Variants in AGBL1 observed in about 807,000 individuals in gnomAD.
AGBL1 encodes the protein AGBL carboxypeptidase 1, also known as cytosolic carboxypeptidase 4.
In AGBL1, 130 loss-of-function variants were observed where a neutral mutation model predicts 118.9. The ratio of observed to expected loss-of-function variants is 1.09; its 90% confidence interval spans 0.95 to 1.26. The LOEUF is 1.26. Among genes scored for constraint, AGBL1 ranks in the 50% most tolerant of loss-of-function variants. The pLI, the probability that AGBL1 is intolerant of heterozygous loss-of-function variation, is 0.00. For synonymous variants in AGBL1, 555 were observed against 478.9 expected, an observed-to-expected ratio of 1.16 and a Z score of -2.08; for missense variants, 1,584 against 1,298.1, an observed-to-expected ratio of 1.22 and a Z score of -3.38.
chr15:86,710,193 G>T (rs1263803549), intron 22 of AGBL1, among the ~76,000 whole-genome samples: 1 of 151,956 alleles, frequency 6.6e-6, no homozygotes, highest in African/African-American at 2.4e-5. Flanking sequence ...AAATGTGACA[G>T]CCAATCCTTC....
chr15:86,733,561 C>G (rs1028458541), intron 22 of AGBL1, among the ~76,000 whole-genome samples: 3 of 152,138 alleles, frequency 2.0e-5, no homozygotes, highest in Non-Finnish European at 4.4e-5. Flanking sequence ...CACTTAGTAA[C>G]TATAATATAA....
At chr15:86,154,621 A>T (rs2077163912) in intron 4 of AGBL1, 60 bp downstream of exon 4, 3 of 1,548,660 alleles carry the variant, frequency 1.9e-6, no homozygotes, top group African/African-American at 1.4e-5. Flanking sequence ...GGACACATGG[A>T]AACTGCATGA....
chr15:86,514,916 C>T (rs549953172), intron 18 of AGBL1, among the ~76,000 whole-genome samples: 4 of 152,254 alleles, frequency 2.6e-5, no homozygotes, highest in Admixed American at 2.0e-4. Context: ...TATCATTTAA[C>T]TCCACATCCT....
In AGBL1 at chr15:86,378,337, A is replaced by T. The variant is rs528028718; in HGVS notation, c.2375-19029A>T. Among the ~76,000 whole-genome samples the T allele has an allele frequency of 3.9e-5, 6 of 152,246 alleles. No homozygotes were observed. The South Asian group carries it at 1.2e-3, about 32-fold the overall frequency. On this transcript the variant is annotated intron_variant, in intron 17 of 22. Transcript: ENST00000614907. ...TTATTTCCCTTTCCCGTCAATGCTGATTACCACAGAAGATATTTCTGTGTC... is the reference window on the plus strand; with the variant it reads ...TTATTTCCCTTTCCCGTCAATGCTGTTTACCACAGAAGATATTTCTGTGTC...
chr15:86,448,147 AAACAAAAAAT>A (rs1484504725), intron 18 of AGBL1, among the ~76,000 whole-genome samples: 1 of 152,212 alleles, frequency 6.6e-6, no homozygotes, highest in Non-Finnish European at 1.5e-5. Context: ...CCTGTCTCAA[AAACAAAAAAT>A]AAGAAGTATC....
chr15:86,220,014 C>A (rs2078256087), intron 5 of AGBL1, among the ~76,000 whole-genome samples: 1 of 134,410 alleles, frequency 7.4e-6, no homozygotes, highest in African/African-American at 2.7e-5. Flanking sequence ...TGCAGTGGCA[C>A]AATCTTGGTT....
chr15:87,025,068 A>ACAAGT (rs1172293475), intron 24 of AGBL1, among the ~76,000 whole-genome samples: 1 of 152,062 alleles, frequency 6.6e-6, no homozygotes, highest in Non-Finnish European at 1.5e-5. Context: ...GAGAACTGGA[A>ACAAGT]CAAGTCAATG....
At chr15:86,870,335 G>A (rs944422346) in intron 22 of AGBL1, among the ~76,000 whole-genome samples, 2 of 104,880 alleles carry the variant, frequency 1.9e-5, no homozygotes, top group Admixed American at 1.8e-4. Context: ...CAAATAATGA[G>A]TAAGTGGCAA....
At chr15:86,878,209 T>C (rs898501121) in intron 22 of AGBL1, among the ~76,000 whole-genome samples, 28 of 152,318 alleles carry the variant, frequency 1.8e-4, no homozygotes, top group Admixed American at 1.8e-3. Flanking sequence ...TAGGGTTTTG[T>C]TCCTGGGCTG....
At chr15:86,889,131 C>A (rs1408902054) in intron 22 of AGBL1, among the ~76,000 whole-genome samples, 1 of 151,976 alleles carries the variant, frequency 6.6e-6, no homozygotes, top group Admixed American at 6.6e-5. Flanking sequence ...TCATTCCTGA[C>A]CTTTCCCATG....
At chr15:86,771,601 T>G (rs2078182408) in intron 22 of AGBL1, among the ~76,000 whole-genome samples, 1 of 150,972 alleles carries the variant, frequency 6.6e-6, no homozygotes, top group Non-Finnish European at 1.5e-5. Flanking sequence ...AATGCAGTAC[T>G]CTCATCGCCT....
At chr15:86,129,228 A>G (rs188039978) in intron 1 of AGBL1, among the ~76,000 whole-genome samples, 17 of 152,324 alleles carry the variant, frequency 1.1e-4, no homozygotes, top group Admixed American at 1.3e-4. Flanking sequence ...GGATATATCT[A>G]TAGAATGAAA....
intron 22 of AGBL1, among the ~76,000 whole-genome samples, chr15:86,724,259 G>A (rs2086784873): frequency 9.4e-6 from 1 of 106,666 alleles, no homozygotes; most frequent in South Asian, 3.0e-4. Flanking sequence ...AAAAAAGAAG[G>A]TGTTGAGTAT....
chr15:86,493,494 A>G (rs1226783310), intron 18 of AGBL1, among the ~76,000 whole-genome samples: 1 of 152,088 alleles, frequency 6.6e-6, no homozygotes, highest in African/African-American at 2.4e-5. Context: ...GGACAGTGGC[A>G]TCATTTACAG....
chr15:86,361,916 G>C (rs2080811848), intron 17 of AGBL1, among the ~76,000 whole-genome samples: 2 of 152,066 alleles, frequency 1.3e-5, no homozygotes, highest in South Asian at 2.1e-4. Context: ...TATGTCTTTT[G>C]ATTGGAGAAT....
At chr15:86,453,188 T>C (rs954666164) in intron 18 of AGBL1, among the ~76,000 whole-genome samples, 6 of 152,154 alleles carry the variant, frequency 3.9e-5, no homozygotes, top group African/African-American at 1.4e-4. Flanking sequence ...CAATTACTGT[T>C]TGTTAAGTGA....
At chr15:86,880,420 G>C (rs2079874273) in intron 22 of AGBL1, among the ~76,000 whole-genome samples, 1 of 152,210 alleles carries the variant, frequency 6.6e-6, no homozygotes, top group African/African-American at 2.4e-5. Flanking sequence ...TGGAGCAGGG[G>C]ATGGAGAAGT....
chr15:86,698,110 A>G (rs1421041733), intron 22 of AGBL1, among the ~76,000 whole-genome samples: 1 of 151,866 alleles, frequency 6.6e-6, no homozygotes, highest in East Asian at 1.9e-4. Flanking sequence ...CCTATCCGCC[A>G]TTTTTTCCTA....
In AGBL1 at chr15:86,908,194, A is replaced by G. The variant is rs1248179770; in HGVS notation, c.*900A>G. 1 of 152,234 alleles carries G rather than the reference A, an allele frequency of 6.6e-6. No individual in the cohort carries two copies. The highest frequency in any genetic ancestry group is 1.9e-4 in the East Asian group (1 of 5,200). The allele number at this position is 152,234 out of a possible 1,614,324, so 9.4% of individuals were successfully genotyped here. ...ATTGTAGGATGAAATGAGATGATAT[A>G]TAAAAGTGTATAGCTTAGCATTTGG... On this transcript the variant is annotated 3_prime_UTR_variant, in exon 23 of 23. Transcript: ENST00000614907.
Sources: gnomAD v4.1 joint callset for allele counts (sites outside exome capture counted in the v4.1 genomes callset) on GRCh38, gnomAD v4.1.1 for gene constraint, MANE v1.5 for transcripts, NCBI Gene and HGNC (gene_info 2026-07-23, HGNC 2026-07-21) for gene names.